HS3ST5: variants seen among roughly 807,000 people sequenced by gnomAD.
HS3ST5 encodes heparan sulfate glucosamine 3-O-sulfotransferase 5.
HS3ST5 carries 10 observed loss-of-function variants against 25.4 expected under a neutral mutation model. The ratio of observed to expected loss-of-function variants is 0.39; its 90% CI spans 0.24 to 0.67. The LOEUF (loss-of-function observed/expected upper bound fraction) is 0.67, where lower values mean the gene tolerates loss of function less well. HS3ST5 is among the 30% of genes least tolerant of loss of function. HS3ST5 has a pLI of 0.44. For missense variants in HS3ST5, 324 were observed against 420.7 expected (o/e 0.77, Z 2.01); for synonymous variants, 170 against 162.4 (o/e 1.05, Z -0.36).
chr6:114,100,736 G>A (rs1173442809), intron 3 of HS3ST5, among the ~76,000 whole-genome samples: 1 of 152,168 alleles, frequency 6.6e-6, no homozygotes, highest in Non-Finnish European at 1.5e-5. Context: ...GAAGGTGACA[G>A]TTGTTCTAAG....
chr6:114,323,588 C>T (rs1340522234), intron 1 of HS3ST5, among the ~76,000 whole-genome samples: 4 of 152,016 alleles, frequency 2.6e-5, no homozygotes, highest in Non-Finnish European at 5.9e-5. Context: ...ATTTCCTCAT[C>T]TGTAAAAGTA....
chr6:114,284,637 G>A (rs1774258858), intron 1 of HS3ST5, among the ~76,000 whole-genome samples: 1 of 151,766 alleles, frequency 6.6e-6, no homozygotes, highest in Non-Finnish European at 1.5e-5. Context: ...TTTAATATTA[G>A]TGTTACAAAT....
intron 2 of HS3ST5, among the ~76,000 whole-genome samples, chr6:114,173,640 T>C (rs576061755): frequency 2.6e-5 from 4 of 152,042 alleles, no homozygotes; most frequent in Non-Finnish European, 5.9e-5. Flanking sequence ...AGGTGGATCA[T>C]CTGAGGTCAG....
chr6:114,289,927 T>G (rs60739475), intron 1 of HS3ST5, among the ~76,000 whole-genome samples: 184 of 152,300 alleles, frequency 1.2e-3, no homozygotes, highest in African/African-American at 4.3e-3. Context: ...ATAATAGTAT[T>G]GTACTTCAAA....
At chr6:114,225,335 T>C (rs1279295513) in intron 2 of HS3ST5, among the ~76,000 whole-genome samples, 1 of 151,882 alleles carries the variant, frequency 6.6e-6, no homozygotes, top group Non-Finnish European at 1.5e-5. Flanking sequence ...CTTGCTGTTT[T>C]GTTTGTTCAG....
intron 1 of HS3ST5, among the ~76,000 whole-genome samples, chr6:114,240,009 T>C (rs62415836): frequency 2.2e-4 from 33 of 148,994 alleles, no homozygotes; most frequent in African/African-American, 4.9e-4. Context: ...AGCACACACA[T>C]ACACACACAC....
At chr6:114,073,215 C>T (rs1292903295) in intron 3 of HS3ST5, among the ~76,000 whole-genome samples, 1 of 152,192 alleles carries the variant, frequency 6.6e-6, no homozygotes, top group African/African-American at 2.4e-5. Flanking sequence ...CGATACCATT[C>T]AGGACATAGG....
Position 114,092,250 on chromosome 6 carries a change from T to C in HS3ST5, c.-32-29373A>G, listed in dbSNP as rs903331808. On this transcript the variant is annotated intron_variant, in intron 3 of 4. Coordinates refer to ENST00000312719, the MANE Select transcript of HS3ST5 (RefSeq NM_153612.4). Reference sequence around the variant, plus strand: ...CTACCTCTAGGAAGCTGAGCTTGTCTTCTTTGTTGTCTCATCCCCAGTACA... The same window carrying C: ...CTACCTCTAGGAAGCTGAGCTTGTCCTCTTTGTTGTCTCATCCCCAGTACA... Among the ~76,000 whole-genome samples, 34 of 152,338 alleles carry C rather than the reference T, an allele frequency of 2.2e-4. 1 individual carries two copies. Among genetic ancestry groups the C allele is most frequent in the African/African-American group, 7.7e-4 (32 of 41,580 alleles).
chr6:114,062,919 C>T, intron 3 of HS3ST5, 42 bp from the exon 4 acceptor site: 1 of 1,192,454 alleles, frequency 8.4e-7, no homozygotes, highest in South Asian at 1.3e-5. Context: ...CTTAGAGGCT[C>T]TGTTGGTTGT....
chr6:114,195,704 T>C (rs1251544031), intron 2 of HS3ST5, among the ~76,000 whole-genome samples: 2 of 152,112 alleles, frequency 1.3e-5, no homozygotes, highest in African/African-American at 4.8e-5. Context: ...TAGGTGTATG[T>C]CCTCAGGAAG....
Position 114,184,054 on chromosome 6 carries a change from CTTTTTTTTTT to C in HS3ST5, c.-144-15602_-144-15593del, listed in dbSNP as rs34370810. On this transcript the variant is annotated intron_variant, in intron 2 of 4. Coordinates refer to ENST00000312719, the MANE Select transcript of HS3ST5 (RefSeq NM_153612.4). ...AGAAGATTTCTTTTCTTTTTCCTTT[CTTTTTTTTTT>C]TTTTTTTTTTTTTTTTGAGACGGAG... 1.5e-4 allele frequency among the ~76,000 whole-genome samples: 12 copies of C among 78,738 alleles called. No individual in the cohort carries two copies. In the Admixed American group the frequency reaches 1.7e-3, roughly 11 times the overall value. 51.7% of individuals were successfully genotyped at this position (78,738 alleles called of 152,430 possible). A position where few individuals can be genotyped will look rare whatever the true frequency, so the allele number is the denominator to read the frequency against.
chr6:114,192,263 A>C (rs1160386624), intron 2 of HS3ST5, among the ~76,000 whole-genome samples: 1 of 152,210 alleles, frequency 6.6e-6, no homozygotes, highest in Non-Finnish European at 1.5e-5. Flanking sequence ...TAGATTTCTA[A>C]GTAACTTGAT....
chr6:114,175,642 G>A (rs147638282), intron 2 of HS3ST5, among the ~76,000 whole-genome samples: 3 of 152,284 alleles, frequency 2.0e-5, no homozygotes, highest in Non-Finnish European at 4.4e-5. Flanking sequence ...GGACACAGGA[G>A]GAAGAGAAGA....
intron 3 of HS3ST5, among the ~76,000 whole-genome samples, chr6:114,140,989 A>T (rs1777876381): frequency 6.6e-6 from 1 of 152,246 alleles, no homozygotes; most frequent in African/African-American, 2.4e-5. Context: ...GCCTGTAACA[A>T]ATCAAGTACT....
chr6:114,328,924 G>A (rs764049718), intron 1 of HS3ST5, among the ~76,000 whole-genome samples: 11 of 152,094 alleles, frequency 7.2e-5, no homozygotes, highest in Non-Finnish European at 1.6e-4. Context: ...GAATTATTCT[G>A]TATTTCTTTA....
intron 1 of HS3ST5, among the ~76,000 whole-genome samples, chr6:114,259,982 T>C (rs144523432): frequency 1.3e-5 from 2 of 152,348 alleles, no homozygotes; most frequent in African/African-American, 4.8e-5. Context: ...AAATAAGTTA[T>C]CAAGTTGAGT....
At position 114,136,311 on chromosome 6, in the gene HS3ST5, T is replaced by C. The variant is rs541905253; in HGVS notation, c.-33+32040A>G. Among the ~76,000 whole-genome samples, 56 of 152,272 alleles carry C rather than the reference T, an allele frequency of 3.7e-4. No individual in the cohort carries two copies. The South Asian group carries it at 4.6e-3, about 12-fold the overall frequency. ...CTGTTCTTGTGATAGTGAATAAGTC[T>C]CATGAGATCTAATGGTTTTATAAAG... On this transcript the variant is annotated intron_variant, in intron 3 of 4. Coordinates refer to ENST00000312719, the MANE Select transcript of HS3ST5 (RefSeq NM_153612.4).
At chr6:114,223,795 A>T (rs550549966) in intron 2 of HS3ST5, among the ~76,000 whole-genome samples, 15 of 151,878 alleles carry the variant, frequency 9.9e-5, no homozygotes, top group African/African-American at 3.6e-4. Flanking sequence ...AGTAGTTTTA[A>T]TTATCTTTGA....
intron 3 of HS3ST5, among the ~76,000 whole-genome samples, chr6:114,101,731 C>T (rs986471629): frequency 6.6e-5 from 10 of 152,142 alleles, no homozygotes; most frequent in African/African-American, 2.4e-4. Context: ...ATTATTCTGC[C>T]ATAAAGACAC....
Sources: allele counts gnomAD v4.1 joint callset (sites outside exome capture counted in the v4.1 genomes callset), GRCh38; gene constraint gnomAD v4.1.1; transcripts MANE v1.5; gene names NCBI Gene and HGNC (gene_info 2026-07-23, HGNC 2026-07-21).